Variants in SMARCC2 observed in about 807,000 individuals in gnomAD.
The protein encoded by SMARCC2 is SWI/SNF related BAF chromatin remodeling complex subunit C2, also known as SWI/SNF complex subunit SMARCC2.
In SMARCC2, 15 loss-of-function variants were observed where a neutral mutation model predicts 151.3. That is an observed-to-expected ratio of 0.10 (90% CI 0.07 to 0.15). The LOEUF (loss-of-function observed/expected upper bound fraction) is 0.15. SMARCC2 is among the 10% of genes least tolerant of loss of function. The probability of loss-of-function intolerance (pLI) is 1.00; values close to 1 mark genes in which losing one functional copy is unlikely to be tolerated. For missense variants in SMARCC2, 1,031 were observed against 1,599.7 expected, an observed-to-expected ratio of 0.64 and a Z score of 6.06; for synonymous variants, 590 against 609.5, an observed-to-expected ratio of 0.97 and a Z score of 0.47.
chr12:56,185,182 T>TG, intron 3 of SMARCC2, 71 bp from the exon 4 acceptor site: 4 of 1,267,218 alleles, frequency 3.2e-6, no homozygotes, highest in Middle Eastern at 2.0e-4. Flanking sequence ...CACGTGACTT[T>TG]TTTGTTTGTT....
At chr12:56,188,048 T>C (rs975178896) in intron 1 of SMARCC2, among the ~76,000 whole-genome samples, 9 of 152,156 alleles carry the variant, frequency 5.9e-5, no homozygotes, top group Admixed American at 2.6e-4. Flanking sequence ...TTTGACCCGT[T>C]TTCTCCCCAC....
chr12:56,164,438 G>T lies in SMARCC2; in HGVS notation c.3526C>A (p.Pro1176Thr), dbSNP rs1872383550. ...ATGGTGGTGGTCGCCGGCAGGTTAGGATGTAGAGGGTTCGCCATGGACACA... is the reference window on the plus strand; with the variant it reads ...ATGGTGGTGGTCGCCGGCAGGTTAGTATGTAGAGGGTTCGCCATGGACACA... Reference protein sequence around the residue: ...LPVSMANPLHPNLPATTTMPS... With the variant: ...LPVSMANPLHTNLPATTTMPS... The change falls in exon 28 of 29, where the codon CCT (proline) becomes ACT (threonine). Residue 1176 changes from proline to threonine, a missense_variant. Pro to Thr is a conservative substitution (Grantham distance 38). Around this residue, in one of 12 missense-constraint regions of SMARCC2, gnomAD observed 310 missense variants for 350.0 expected, o/e 0.89. Coordinates refer to ENST00000550164, the MANE Select transcript of SMARCC2 (RefSeq NM_001330288.2). 6.2e-7 allele frequency: 1 copy of T among 1,613,972 alleles called. No individual in the cohort carries two copies. The highest frequency in any genetic ancestry group is 8.5e-7 in the Non-Finnish European group (1 of 1,180,040).
chr12:56,188,028 C>CTT (rs1433050500), intron 1 of SMARCC2, among the ~76,000 whole-genome samples: 1 of 152,164 alleles, frequency 6.6e-6, no homozygotes, highest in Non-Finnish European at 1.5e-5. Context: ...AGGAGACTTT[C>CTT]TTTTTACTTT....
At chr12:56,186,616 C>T (rs1370454002) in intron 2 of SMARCC2, 2 of 242,610 alleles carry the variant, frequency 8.2e-6, no homozygotes, top group East Asian at 1.2e-4. Context: ...TCCCAAAGTG[C>T]TGAGATTACA....
At position 56,180,867 on chromosome 12, in the gene SMARCC2, A is replaced by T; in HGVS notation, c.1081+110T>A. The T allele has an allele frequency of 2.6e-6, 3 of 1,148,842 alleles. No homozygotes were observed. The South Asian group carries it at 4.7e-5, about 18-fold the overall frequency. The allele number at this position is 1,148,842 out of a possible 1,614,324, so 71.2% of individuals were successfully genotyped here. On this transcript the variant is annotated intron_variant, in intron 11 of 28. Transcript: ENST00000550164. ...ATAACCAGCTAAATTTAAGGAAAAG[A>T]TCCTGTAGACTGGGAGGTGGACCTG...
At chr12:56,189,231 T>G in intron 1 of SMARCC2, 120 bp downstream of exon 1, 1 of 414,036 alleles carries the variant, frequency 2.4e-6, no homozygotes, top group Non-Finnish European at 3.9e-6. Context: ...GGGGGGCTGC[T>G]TGGGAGGCCG....
In SMARCC2 at chr12:56,173,737, T is replaced by C. The variant is rs763606768; in HGVS notation, c.1609A>G (p.Thr537Ala). The C allele has an allele frequency of 5.6e-6, 9 of 1,614,026 alleles. No homozygotes were observed. The highest frequency in any genetic ancestry group is 7.6e-6 in the Non-Finnish European group (9 of 1,179,966). The change falls in exon 17 of 29, where the codon ACA (threonine) becomes GCA (alanine). Residue 537 changes from threonine to alanine, a missense_variant. Coordinates refer to ENST00000550164, the MANE Select transcript of SMARCC2 (RefSeq NM_001330288.2). ...PTSHFHVLAD[T>A]PSGLVPLQPK... Reference sequence around the variant, plus strand: ...TGCAGAGGCACCAGCCCTGATGGTGTGTCAGCCAAGACATGGAAGTGAGAG... The same window carrying C: ...TGCAGAGGCACCAGCCCTGATGGTGCGTCAGCCAAGACATGGAAGTGAGAG...
rs1221498423 is a variant in SMARCC2, at chr12:56,185,073, C to A, written c.356G>T (p.Arg119Leu). ...YDFQNPSRMD[R>L]NVEMFMTIEK... ...AATGGTCATAAACATTTCCACATTG[C>A]GGTCCATGCGTGATGGATTCTGGAA... The change falls in exon 4 of 29, where the codon CGC becomes CTC. Residue 119 changes from arginine to leucine, a missense_variant. This residue lies in a region of SMARCC2 where 16 missense variants were observed against 56.0 expected (regional missense o/e 0.29). Coordinates refer to ENST00000550164, the MANE Select transcript of SMARCC2 (RefSeq NM_001330288.2). The A allele has an allele frequency of 6.2e-7, 1 of 1,613,866 alleles. No homozygotes were observed. Among genetic ancestry groups the A allele is most frequent in the African/African-American group, 1.3e-5 (1 of 74,872 alleles).
intron 1 of SMARCC2, 102 bp from the exon 2 acceptor site, chr12:56,187,408 G>A: frequency 9.0e-7 from 1 of 1,112,026 alleles, no homozygotes; most frequent in Non-Finnish European, 1.3e-6. Flanking sequence ...GTGGAGCAAA[G>A]AAAATAGTGC....
intron 25 of SMARCC2, among the ~76,000 whole-genome samples, chr12:56,168,507 T>C (rs1296173198): frequency 6.6e-6 from 1 of 151,912 alleles, no homozygotes; most frequent in Non-Finnish European, 1.5e-5. Context: ...CCCCAGTACC[T>C]GGGATTACAG....
chr12:56,175,401 A>G (rs1018276168), intron 15 of SMARCC2, among the ~76,000 whole-genome samples: 5 of 152,356 alleles, frequency 3.3e-5, no homozygotes, highest in African/African-American at 1.2e-4. Context: ...ATTCATGCAT[A>G]TAGCTAGTCA....
At position 56,172,588 on chromosome 12, in the gene SMARCC2, G is replaced by A; in HGVS notation, c.1860C>T (p.Ser620=). The change falls in exon 19 of 29, where the codon TCC becomes TCT. Residue 620 remains serine (S), a synonymous_variant. Transcript: ENST00000550164. Reference sequence around the variant, plus strand: ...AGAGTCGGCCCGCACCTCCTACCTTGGAGGGAACATTCTTTTTTGTGTACA... The same window carrying A: ...AGAGTCGGCCCGCACCTCCTACCTTAGAGGGAACATTCTTTTTTGTGTACA... The part of the protein sequence containing the change: ...TDMYTKKNVP[S]KSKAAASATR... The A allele has an allele frequency of 6.2e-7, 1 of 1,614,174 alleles. No individual in the cohort carries two copies. The highest frequency in any genetic ancestry group is 8.5e-7 in the Non-Finnish European group (1 of 1,180,032).
chr12:56,177,144 T>C (rs981654455), intron 15 of SMARCC2, among the ~76,000 whole-genome samples: 1 of 151,740 alleles, frequency 6.6e-6, no homozygotes, highest in African/African-American at 2.4e-5. Context: ...TGGGGTTTCA[T>C]CATGTTAGCC....
Position 56,164,541 on chromosome 12 carries a change from G to C in SMARCC2, c.3423C>G (p.Leu1141=). Residue 1141 remains leucine, a synonymous_variant, in exon 28 of 29, where the codon CTC becomes CTG. Coordinates refer to ENST00000550164, the MANE Select transcript of SMARCC2 (RefSeq NM_001330288.2). The part of the protein sequence containing the change: ...GSLADSISIN[L]PAPPNLHGHH... ...GCCCATGCAGGTTAGGAGGAGCGGG[G>C]AGGTTAATACTGATGGAGTCAGCTA... The C allele has an allele frequency of 6.2e-7, 1 of 1,614,184 alleles. No individual in the cohort carries two copies. The highest frequency in any genetic ancestry group is 8.5e-7 in the Non-Finnish European group (1 of 1,180,026).
At chr12:56,183,662 G>A (rs1012609606) in intron 7 of SMARCC2, 199 bp downstream of exon 7, 5 of 505,344 alleles carry the variant, frequency 9.9e-6, no homozygotes, top group Non-Finnish European at 1.4e-5. Context: ...CACACATAAA[G>A]CCTCAATCCT....
chr12:56,164,162 CT>C, intron 28 of SMARCC2, 140 bp downstream of exon 28: 1 of 787,580 alleles, frequency 1.3e-6, no homozygotes, highest in South Asian at 1.9e-5. Flanking sequence ...GAGGCCCTTC[CT>C]CCTGTATTCT....
intron 15 of SMARCC2, 75 bp downstream of exon 15, chr12:56,177,947 G>A: frequency 1.1e-5 from 11 of 1,032,652 alleles, no homozygotes; most frequent in Non-Finnish European, 1.6e-5. Context: ...TTGCTAAACT[G>A]AATGTTACTG....
rs770264242 is a variant in SMARCC2, at chr12:56,178,860, A to T, written c.1142-13T>A. 6.8e-6 allele frequency: 11 copies of T among 1,614,078 alleles called. No individual in the cohort carries two copies. Among genetic ancestry groups the T allele is most frequent in the Non-Finnish European group, 9.3e-6 (11 of 1,179,948 alleles). ...TCTTCCTGTTCATCTGAAAGAGAAA[A>T]ACCAAGATGTAAGGCTGGAGCCTCC... On this transcript the variant is annotated splice_polypyrimidine_tract_variant and intron_variant, in intron 12 of 28. Transcript: ENST00000550164.
chr12:56,181,300 C>T, intron 10 of SMARCC2, 182 bp downstream of exon 10: 4 of 645,372 alleles, frequency 6.2e-6, no homozygotes, highest in Non-Finnish European at 8.0e-6. Context: ...ACTAGTGGGG[C>T]CAGAACCAGA....
Sources: allele counts gnomAD v4.1 joint callset (sites outside exome capture counted in the v4.1 genomes callset), GRCh38; gene constraint gnomAD v4.1.1; regional missense constraint gnomAD v4.1.1; transcripts MANE v1.5; gene names NCBI Gene and HGNC (gene_info 2026-07-23, HGNC 2026-07-21).